Variants in SORCS2 observed in about 807,000 individuals in gnomAD.
The protein encoded by SORCS2 is VPS10 domain-containing receptor SorCS2.
A neutral mutation model predicts 141.6 loss-of-function variants in SORCS2; 100 were observed. That is an observed-to-expected ratio of 0.71 (90% CI 0.60 to 0.83). SORCS2 has a LOEUF of 0.83. Ranked by LOEUF, SORCS2 falls within the 40% of genes least tolerant of loss-of-function variation. The pLI is 0.00. For missense variants in SORCS2, 1,646 were observed against 1,560.2 expected, an observed-to-expected ratio of 1.05 and a Z score of -0.93; for synonymous variants, 789 against 676.9, an observed-to-expected ratio of 1.17 and a Z score of -2.57.
intron 5 of SORCS2, among the ~76,000 whole-genome samples, chr4:7,660,376 A>G (rs1722075379): frequency 6.6e-6 from 1 of 152,162 alleles, no homozygotes; most frequent in African/African-American, 2.4e-5. Flanking sequence ...CTCTGTCCCC[A>G]AGGCCCGCAG....
chr4:7,487,955 G>A (rs4234819), intron 2 of SORCS2, among the ~76,000 whole-genome samples: 147,750 of 152,254 alleles, frequency 0.97, 71,805 homozygotes, highest in East Asian at 1. Flanking sequence ...GCAGGAATCC[G>A]GGGCAGAGCC....
chr4:7,619,377 G>A (rs996845802), intron 3 of SORCS2, among the ~76,000 whole-genome samples: 15 of 152,196 alleles, frequency 9.9e-5, no homozygotes, highest in African/African-American at 1.4e-4. Context: ...CAGAGGGCTT[G>A]TGTGTCCTTC....
intron 1 of SORCS2, among the ~76,000 whole-genome samples, chr4:7,210,898 C>CA (rs1195011649): frequency 6.6e-6 from 1 of 152,136 alleles, no homozygotes; most frequent in Non-Finnish European, 1.5e-5. Context: ...TTGGGAAAGG[C>CA]AGGCAGGGGG....
chr4:7,463,293 T>C (rs1220799034), intron 2 of SORCS2, among the ~76,000 whole-genome samples: 1 of 152,154 alleles, frequency 6.6e-6, no homozygotes, highest in Non-Finnish European at 1.5e-5. Context: ...AATGGGGCTG[T>C]GGTATCAGAC....
intron 1 of SORCS2, among the ~76,000 whole-genome samples, chr4:7,368,767 C>A (rs1198756451): frequency 6.6e-6 from 1 of 152,168 alleles, no homozygotes; most frequent in East Asian, 1.9e-4. Flanking sequence ...GTGTCCCCAC[C>A]CAAATCTCAT....
At chr4:7,626,610 C>T (rs142666694) in intron 3 of SORCS2, among the ~76,000 whole-genome samples, 4 of 152,178 alleles carry the variant, frequency 2.6e-5, no homozygotes, top group Non-Finnish European at 4.4e-5. Context: ...TATGTGTGTA[C>T]GTATTTATGT....
At chr4:7,325,715 G>C (rs1337548747) in intron 1 of SORCS2, among the ~76,000 whole-genome samples, 1 of 152,208 alleles carries the variant, frequency 6.6e-6, no homozygotes, top group Non-Finnish European at 1.5e-5. Context: ...TCTCAGATGA[G>C]GGAATCAAGT....
intron 2 of SORCS2, among the ~76,000 whole-genome samples, chr4:7,499,841 G>A (rs1023263695): frequency 2.0e-5 from 3 of 152,192 alleles, no homozygotes; most frequent in African/African-American, 4.8e-5. Context: ...GGACCGAGCC[G>A]GCACAGGTGG....
chr4:7,411,878 A>G (rs935101090), intron 2 of SORCS2, among the ~76,000 whole-genome samples: 2 of 152,234 alleles, frequency 1.3e-5, no homozygotes, highest in African/African-American at 2.4e-5. Flanking sequence ...CCCAGACACC[A>G]CAGCCTCCCT....
intron 2 of SORCS2, among the ~76,000 whole-genome samples, chr4:7,409,489 G>A (rs990039135): frequency 2.6e-5 from 4 of 152,218 alleles, no homozygotes; most frequent in African/African-American, 9.6e-5. Context: ...GGGCTTGGTA[G>A]TCCTTCCTCC....
At chr4:7,324,324 G>C (rs1487749982) in intron 1 of SORCS2, among the ~76,000 whole-genome samples, 1 of 152,244 alleles carries the variant, frequency 6.6e-6, no homozygotes, top group African/African-American at 2.4e-5. Flanking sequence ...AGTTGGAGGA[G>C]GAATTTGGAG....
chr4:7,602,889 G>C (rs552797646), intron 3 of SORCS2, among the ~76,000 whole-genome samples: 3 of 152,266 alleles, frequency 2.0e-5, no homozygotes, highest in Non-Finnish European at 4.4e-5. Flanking sequence ...GAGTGAGCGA[G>C]ACTCCGTCTG....
intron 3 of SORCS2, among the ~76,000 whole-genome samples, chr4:7,619,311 G>T (rs76674136): frequency 1.0e-3 from 159 of 152,316 alleles, no homozygotes; most frequent in African/African-American, 3.4e-3. Context: ...CCCTCCATTA[G>T]GGCAAGGCAT....
chr4:7,338,012 G>A (rs1720096601), intron 1 of SORCS2, among the ~76,000 whole-genome samples: 1 of 152,206 alleles, frequency 6.6e-6, no homozygotes. Flanking sequence ...CATCACCTGG[G>A]CATTGCGTAC....
intron 1 of SORCS2, among the ~76,000 whole-genome samples, chr4:7,369,436 C>G (rs1408877105): frequency 1.3e-5 from 2 of 152,194 alleles, no homozygotes; most frequent in African/African-American, 2.4e-5. Flanking sequence ...ATGAGCTGGT[C>G]TCTCCTAAGT....
At chr4:7,403,961 G>GTATATGTATATATA (rs1724758494) in intron 2 of SORCS2, among the ~76,000 whole-genome samples, 1 of 29,892 alleles carries the variant, frequency 3.3e-5, no homozygotes. Flanking sequence ...CTCCATGTGT[G>GTATATGTATATATA]TATATATATA....
At chr4:7,351,833 TCACCCATCTACCC>T (rs1233604961) in intron 1 of SORCS2, among the ~76,000 whole-genome samples, 2 of 151,660 alleles carry the variant, frequency 1.3e-5, no homozygotes, top group Non-Finnish European at 2.9e-5. Context: ...ATCTACCCAT[TCACCCATCTACCC>T]CACCCATCAA....
In SORCS2 at chr4:7,718,413, G is replaced by A. The variant is rs146681701; in HGVS notation, c.2424+230G>A. ...GACATGAAGGAGAATAGAGTAGGAC[G>A]TAGGGGGTATTAGGGTCCCCGCAGA... On this transcript the variant is annotated intron_variant, in intron 18 of 26. Coordinates refer to ENST00000507866, the MANE Select transcript of SORCS2 (RefSeq NM_020777.3). Among the ~76,000 whole-genome samples the A allele has an allele frequency of 1.2e-4, 19 of 152,304 alleles. No homozygotes were observed. In the East Asian group the frequency reaches 3.5e-3, roughly 28 times the overall value.
intron 3 of SORCS2, among the ~76,000 whole-genome samples, chr4:7,591,409 C>G (rs746919284): frequency 1.3e-5 from 2 of 152,268 alleles, no homozygotes; most frequent in Non-Finnish European, 2.9e-5. Context: ...GGTGCTACCC[C>G]CTGCGAGCTC....
Sources: allele counts gnomAD v4.1 joint callset (sites outside exome capture counted in the v4.1 genomes callset), GRCh38; gene constraint gnomAD v4.1.1; transcripts MANE v1.5; gene names NCBI Gene and HGNC (gene_info 2026-07-23, HGNC 2026-07-21).